Variants in GSTO2 observed in about 807,000 individuals in gnomAD.
GSTO2 encodes glutathione S-transferase omega 2, also known as glutathione S-transferase omega-2.
A neutral mutation model predicts 28.4 loss-of-function variants in GSTO2; 23 were observed. That is an observed-to-expected ratio of 0.81 (90% CI 0.58 to 1.15). GSTO2 has a LOEUF of 1.15. GSTO2 is among the 50% of genes most tolerant of loss of function. GSTO2 has a pLI of 0.00. For missense variants in GSTO2, 298 were observed against 297.8 expected, an observed-to-expected ratio of 1.00 and a Z score of 0.00; for synonymous variants, 109 against 111.0, an observed-to-expected ratio of 0.98 and a Z score of 0.11.
intron 5 of GSTO2, chr10:104,291,558 G>C (rs999132469): frequency 6.6e-6 from 1 of 152,310 alleles, no homozygotes; most frequent in Non-Finnish European, 1.5e-5. Flanking sequence ...TGGCCACCAG[G>C]GGGAGCCCCG....
intron 5 of GSTO2, chr10:104,297,143 T>C (rs542218205): frequency 2.0e-5 from 3 of 153,420 alleles, no homozygotes; most frequent in Admixed American, 6.5e-5. Flanking sequence ...GGGTTCCTAA[T>C]GCTAGCCTTC....
rs970299859 is a variant in GSTO2, at chr10:104,299,453, C to T, written c.*169C>T. ...TAATCATTTGTCTGACTCCTCTAGC[C>T]TGTAGCTGCTGCTACTGCTGCTTTT... On this transcript the variant is annotated 3_prime_UTR_variant, in exon 7 of 7. Transcript: ENST00000338595. 7 of 725,940 alleles carry T rather than the reference C, an allele frequency of 9.6e-6. No individual in the cohort carries two copies. The Admixed American group carries it at 9.8e-5, about 10-fold the overall frequency. The allele number at this position is 725,940 out of a possible 1,614,324, so 45.0% of individuals were successfully genotyped here. A position where few individuals can be genotyped will look rare whatever the true frequency, so the allele number is the denominator to read the frequency against.
intron 6 of GSTO2, among the ~76,000 whole-genome samples, chr10:104,298,900 C>T (rs1228135733): frequency 3.3e-5 from 5 of 152,090 alleles, no homozygotes; most frequent in Non-Finnish European, 7.4e-5. Flanking sequence ...AGCCATCAGT[C>T]CAAAGTATTT....
At chr10:104,291,935 C>T (rs1340453584) in intron 5 of GSTO2, among the ~76,000 whole-genome samples, 1 of 152,182 alleles carries the variant, frequency 6.6e-6, no homozygotes. Flanking sequence ...TTCTATTGTA[C>T]TAAAGTCTCC....
In GSTO2 at chr10:104,279,890, C is replaced by T. The variant is rs138702261; in HGVS notation, c.468+419C>T. 3.4e-4 allele frequency among the ~76,000 whole-genome samples: 52 copies of T among 152,142 alleles called. No individual in the cohort carries two copies. The East Asian group carries it at 6.8e-3, about 20-fold the overall frequency. On this transcript the variant is annotated intron_variant, in intron 5 of 6. Coordinates refer to ENST00000338595, the MANE Select transcript of GSTO2 (RefSeq NM_183239.2). ...TTATAAGGGTTTATTCTCACACATA[C>T]GGTGGCTCACACCTGTGATCCCAGC...
chr10:104,292,691 A>C (rs947240664), intron 5 of GSTO2, among the ~76,000 whole-genome samples: 13 of 152,080 alleles, frequency 8.5e-5, no homozygotes, highest in Admixed American at 2.0e-4. Context: ...CCTGGGCTCA[A>C]GCAGTCTGTC....
rs183275037 is a variant in GSTO2 at position 104,269,924 on chromosome 10, C to T, written c.-232+655C>T. Among the ~76,000 whole-genome samples, 272 of 152,264 alleles carry T rather than the reference C, an allele frequency of 1.8e-3. 1 individual carries two copies. The highest frequency in any genetic ancestry group is 6.1e-3 in the African/African-American group (252 of 41,542). Reference sequence around the variant, plus strand: ...TGAAGAGATTCGAATCTAGCCTGAACTCTTACAGTAAGACCGTTCGTGAGA... The same window carrying T: ...TGAAGAGATTCGAATCTAGCCTGAATTCTTACAGTAAGACCGTTCGTGAGA... On this transcript the variant is annotated intron_variant, in intron 1 of 6. Coordinates refer to ENST00000338595, the MANE Select transcript of GSTO2 (RefSeq NM_183239.2).
chr10:104,290,507 A>G (rs983227173), intron 5 of GSTO2, among the ~76,000 whole-genome samples: 4 of 151,838 alleles, frequency 2.6e-5, no homozygotes, highest in Non-Finnish European at 5.9e-5. Flanking sequence ...TCTGTCTCAA[A>G]AAAAAAAAAG....
chr10:104,302,336 A>C lies in GSTO2; in HGVS notation c.*3052A>C, dbSNP rs2013280079. 1 of 152,250 alleles carries C rather than the reference A, an allele frequency of 6.6e-6. No homozygotes were observed. Among genetic ancestry groups the C allele is most frequent in the African/African-American group, 2.4e-5 (1 of 41,454 alleles). The allele number at this position is 152,250 out of a possible 1,614,324, so 9.4% of individuals were successfully genotyped here. The stretch of plus-strand genomic sequence containing the variant: ...CATTCTCTATCTTTTGCAGATTGGA[A>C]AAATAAAAAAATTAGTTTAAACCAC... On this transcript the variant is annotated 3_prime_UTR_variant, in exon 7 of 7. Coordinates refer to ENST00000338595, the MANE Select transcript of GSTO2 (RefSeq NM_183239.2).
At chr10:104,285,962 G>T in intron 5 of GSTO2, 1 of 366,988 alleles carries the variant, frequency 2.7e-6, no homozygotes, top group Non-Finnish European at 5.4e-6. Context: ...GTTTATACCT[G>T]GTTAATTCGT....
chr10:104,277,782 C>A, intron 3 of GSTO2, 112 bp from the exon 4 acceptor site: 1 of 674,206 alleles, frequency 1.5e-6, no homozygotes, highest in South Asian at 1.8e-5. Context: ...AACCTTAAAA[C>A]ACTAATTGCA....
In GSTO2 at chr10:104,297,726, A is replaced by G. The variant is rs750553625; in HGVS notation, c.575+42A>G. 22 of 1,345,080 alleles carry G rather than the reference A, an allele frequency of 1.6e-5. 1 individual carries two copies. The South Asian group carries it at 1.9e-4, about 11-fold the overall frequency. The allele number at this position is 1,345,080 out of a possible 1,614,324, so 83.3% of individuals were successfully genotyped here. A position where few individuals can be genotyped will look rare whatever the true frequency, so the allele number is the denominator to read the frequency against. On this transcript the variant is annotated intron_variant, in intron 6 of 6. Transcript: ENST00000338595. Reference sequence around the variant, plus strand: ...TGTGGTGTTAAATTCCCGGAGTCACACTGAGTAACAATGGTTAAGATGGTC... The same window carrying G: ...TGTGGTGTTAAATTCCCGGAGTCACGCTGAGTAACAATGGTTAAGATGGTC...
Position 104,299,371 on chromosome 10 carries a change from C to G in GSTO2, c.*87C>G, listed in dbSNP as rs901500821. 4.4e-5 allele frequency: 62 copies of G among 1,418,268 alleles called. 1 individual carries two copies. In the African/African-American group the frequency reaches 1.0e-3, roughly 23 times the overall value. 87.9% of individuals were successfully genotyped at this position (1,418,268 alleles called of 1,614,324 possible). Reference sequence around the variant, plus strand: ...GCTTGTCTTGGGAACCAATCCGTCTCTCTTTCTTTTCTTTGAAGTTCCCAA... The same window carrying G: ...GCTTGTCTTGGGAACCAATCCGTCTGTCTTTCTTTTCTTTGAAGTTCCCAA... On this transcript the variant is annotated 3_prime_UTR_variant, in exon 7 of 7. Coordinates refer to ENST00000338595, the MANE Select transcript of GSTO2 (RefSeq NM_183239.2).
chr10:104,275,080 A>C lies in GSTO2; in HGVS notation c.34+131A>C, dbSNP rs924645117. On this transcript the variant is annotated intron_variant, in intron 2 of 6. Transcript: ENST00000338595. Reference sequence around the variant, plus strand: ...GGGACTTGGAGGGCTCTCCTGAAGAAAAGCCACATGCAGCACTGCCCTCTC... The same window carrying C: ...GGGACTTGGAGGGCTCTCCTGAAGACAAGCCACATGCAGCACTGCCCTCTC... 64 of 1,506,552 alleles carry C rather than the reference A, an allele frequency of 4.2e-5. 1 individual carries two copies. Among genetic ancestry groups the C allele is most frequent in the Non-Finnish European group, 4.7e-5 (53 of 1,130,376 alleles). The allele number at this position is 1,506,552 out of a possible 1,614,324, so 93.3% of individuals were successfully genotyped here.
intron 6 of GSTO2, among the ~76,000 whole-genome samples, chr10:104,297,938 G>C (rs910372697): frequency 6.6e-6 from 1 of 152,136 alleles, no homozygotes; most frequent in Non-Finnish European, 1.5e-5. Flanking sequence ...AGAGCCTGCT[G>C]TCCTCACCAG....
chr10:104,271,395 T>C (rs1316347030), intron 1 of GSTO2, among the ~76,000 whole-genome samples: 1 of 152,286 alleles, frequency 6.6e-6, no homozygotes, highest in African/African-American at 2.4e-5. Context: ...CACTAGCGTT[T>C]GTCATTAACT....
chr10:104,271,245 A>G (rs936737677), intron 1 of GSTO2, among the ~76,000 whole-genome samples: 6 of 152,242 alleles, frequency 3.9e-5, no homozygotes, highest in African/African-American at 1.2e-4. Context: ...TTCAATTGGC[A>G]TTAAACTGGT....
At chr10:104,295,162 C>T (rs566482013) in intron 5 of GSTO2, 16 of 152,324 alleles carry the variant, frequency 1.1e-4, no homozygotes, top group African/African-American at 3.6e-4. Flanking sequence ...CTGGAGCCTT[C>T]TGGAATCCAT....
intron 5 of GSTO2, among the ~76,000 whole-genome samples, chr10:104,294,768 T>C (rs756831666): frequency 3.9e-5 from 6 of 152,166 alleles, no homozygotes; most frequent in African/African-American, 7.2e-5. Flanking sequence ...AAGGCTTGGG[T>C]TATTTTATGA....
Sources: allele counts gnomAD v4.1 joint callset (sites outside exome capture counted in the v4.1 genomes callset), GRCh38; gene constraint gnomAD v4.1.1; transcripts MANE v1.5; gene names NCBI Gene and HGNC (gene_info 2026-07-23, HGNC 2026-07-21).